The following NUP160 variants were observed in gnomAD, a reference collection of about 807,000 sequenced individuals.
NUP160 encodes nucleoporin 160.
NUP160 carries 94 observed loss-of-function variants against 196.9 expected under a neutral mutation model. That is an observed-to-expected ratio of 0.48 (90% CI 0.40 to 0.57). The LOEUF (loss-of-function observed/expected upper bound fraction) is 0.57, where lower values mean the gene tolerates loss of function less well. Ranked by LOEUF, NUP160 falls within the 20% of genes least tolerant of loss-of-function variation. The pLI, the probability that NUP160 is intolerant of heterozygous loss-of-function variation, is 0.00. For missense variants in NUP160, 1,638 were observed against 1,748.3 expected, an observed-to-expected ratio of 0.94 and a Z score of 1.13; for synonymous variants, 605 against 619.7, an observed-to-expected ratio of 0.98 and a Z score of 0.35.
intron 7 of NUP160, among the ~76,000 whole-genome samples, chr11:47,835,181 C>T (rs78541360): frequency 0.12 from 18,378 of 152,128 alleles, 1,229 homozygotes; most frequent in Non-Finnish European, 0.15. Flanking sequence ...CCAGTGTCTG[C>T]TATTATTAAT....
At chr11:47,789,677 A>G (rs1272664164) in intron 29 of NUP160, among the ~76,000 whole-genome samples, 1 of 151,728 alleles carries the variant, frequency 6.6e-6, no homozygotes, top group Non-Finnish European at 1.5e-5. Flanking sequence ...ATTATTATAT[A>G]TAATATATAG....
exon 16 of NUP160, chr11:47,812,318 T>C (rs751481238): frequency 7.4e-6 from 12 of 1,614,136 alleles, no homozygotes; most frequent in Non-Finnish European, 1.0e-5. Context: ...TGAATCCCTT[T>C]TCCATTTCCA....
intron 28 of NUP160, 77 bp downstream of exon 28, chr11:47,792,709 T>A: frequency 7.6e-7 from 1 of 1,324,246 alleles, no homozygotes; most frequent in South Asian, 1.6e-5. Flanking sequence ...GACACAATAG[T>A]TTTGAAAGGA....
chr11:47,824,050 T>C lies in NUP160; in HGVS notation c.1102-1886A>G, dbSNP rs868409100. 8.3e-3 allele frequency among the ~76,000 whole-genome samples: 818 copies of C among 98,936 alleles called. 3 individuals carry two copies. Among genetic ancestry groups the C allele is most frequent in the African/African-American group, 0.021 (496 of 23,426 alleles). 64.9% of individuals were successfully genotyped at this position (98,936 alleles called of 152,430 possible). A position where few individuals can be genotyped will look rare whatever the true frequency, so the allele number is the denominator to read the frequency against. ...ATATATATATATATATATATATATA[T>C]ATACACACACACATAGAAGTGGAAT... On this transcript the variant is annotated intron_variant, in intron 7 of 35. Coordinates refer to ENST00000378460, the Ensembl canonical transcript of NUP160.
intron 2 of NUP160, among the ~76,000 whole-genome samples, chr11:47,844,588 G>C (rs1852365027): frequency 6.6e-6 from 1 of 152,026 alleles, no homozygotes; most frequent in South Asian, 2.1e-4. Context: ...CCTTTCTTCT[G>C]CTCAAATGTC....
intron 7 of NUP160, among the ~76,000 whole-genome samples, chr11:47,832,647 T>A (rs1052148556): frequency 2.6e-5 from 4 of 152,228 alleles, no homozygotes; most frequent in Non-Finnish European, 4.4e-5. Flanking sequence ...TCGCCCTGCC[T>A]GGCAAACTAT....
At chr11:47,793,015 C>G in intron 27 of NUP160, 69 bp from the exon 28 acceptor site, 1 of 1,378,294 alleles carries the variant, frequency 7.3e-7, no homozygotes, top group Non-Finnish European at 1.0e-6. Flanking sequence ...GAGACAGAGT[C>G]TTGCTCTGTC....
At chr11:47,818,662 C>G (rs1414967941) in intron 10 of NUP160, among the ~76,000 whole-genome samples, 1 of 152,094 alleles carries the variant, frequency 6.6e-6, no homozygotes, top group African/African-American at 2.4e-5. Context: ...TCTCCTAAAC[C>G]AGATTTGCCC....
chr11:47,823,573 C>T (rs543801937), intron 7 of NUP160, among the ~76,000 whole-genome samples: 9 of 151,974 alleles, frequency 5.9e-5, no homozygotes, highest in African/African-American at 1.9e-4. Context: ...CTCGCTCTAT[C>T]GCCCAGGCTG....
At chr11:47,784,126 T>G (rs930870403) in intron 33 of NUP160, among the ~76,000 whole-genome samples, 2 of 152,316 alleles carry the variant, frequency 1.3e-5, no homozygotes, top group Non-Finnish European at 2.9e-5. Flanking sequence ...TAACGGTGGT[T>G]CAGATGCAGA....
At chr11:47,844,240 G>A (rs1048321599) in intron 2 of NUP160, among the ~76,000 whole-genome samples, 1 of 152,080 alleles carries the variant, frequency 6.6e-6, no homozygotes, top group African/African-American at 2.4e-5. Flanking sequence ...TGGTCTCCCT[G>A]CACCTACCCT....
At position 47,806,322 on chromosome 11, in the gene NUP160, A is replaced by C. The variant is rs1267471388; in HGVS notation, c.2447-10T>G. On this transcript the variant is annotated splice_polypyrimidine_tract_variant and intron_variant, in intron 19 of 35. Transcript: ENST00000378460. The stretch of plus-strand genomic sequence containing the variant: ...GTCTGAGGACTAGATACTTAAAAAG[A>C]AAAAGTTATGACAGTTTTGTGTAGT... 6.2e-7 allele frequency: 1 copy of C among 1,603,190 alleles called. No individual in the cohort carries two copies. The highest frequency in any genetic ancestry group is 2.2e-5 in the East Asian group (1 of 44,754).
intron 7 of NUP160, among the ~76,000 whole-genome samples, chr11:47,827,836 A>G (rs1852002320): frequency 6.6e-6 from 1 of 152,210 alleles, no homozygotes; most frequent in Non-Finnish European, 1.5e-5. Flanking sequence ...AGGAAAAGAA[A>G]AAAAGAAAAT....
intron 18 of NUP160, 115 bp from the exon 19 acceptor site, chr11:47,807,255 TC>T: frequency 1.5e-6 from 1 of 660,128 alleles, no homozygotes; most frequent in Admixed American, 3.1e-5. Context: ...ACATAAAAGC[TC>T]CACTGAAAGC....
At chr11:47,837,388 A>G (rs186053246) in intron 5 of NUP160, among the ~76,000 whole-genome samples, 157 bp downstream of exon 5, 2 of 152,308 alleles carry the variant, frequency 1.3e-5, no homozygotes, top group East Asian at 3.9e-4. Context: ...GGGACTCGGG[A>G]GTGTGGCTTT....
chr11:47,839,728 T>A, intron 4 of NUP160, 115 bp downstream of exon 4: 3 of 847,200 alleles, frequency 3.5e-6, no homozygotes, highest in Non-Finnish European at 5.9e-6. Flanking sequence ...CAATAATGAA[T>A]GACCAGTTCC....
chr11:47,823,964 G>T (rs1443208550), intron 7 of NUP160, among the ~76,000 whole-genome samples: 1 of 139,222 alleles, frequency 7.2e-6, no homozygotes, highest in East Asian at 2.2e-4. Flanking sequence ...CTATGTATAT[G>T]GTTGTACAAA....
chr11:47,822,737 A>G (rs1021316904), intron 7 of NUP160, among the ~76,000 whole-genome samples: 1 of 152,120 alleles, frequency 6.6e-6, no homozygotes, highest in Non-Finnish European at 1.5e-5. Context: ...ACCCCACGAC[A>G]GGTGCCAGTG....
At chr11:47,803,204 G>A (rs547526963) in intron 22 of NUP160, among the ~76,000 whole-genome samples, 2 of 148,566 alleles carry the variant, frequency 1.3e-5, no homozygotes, top group South Asian at 4.3e-4. Flanking sequence ...AAACACACAG[G>A]GGCAGGAGAG....
Sources: gnomAD v4.1 joint callset for allele counts (sites outside exome capture counted in the v4.1 genomes callset) on GRCh38, gnomAD v4.1.1 for gene constraint, MANE v1.5 for transcripts, NCBI Gene and HGNC (gene_info 2026-07-23, HGNC 2026-07-21) for gene names.